The following ANKRD17 variants were observed in gnomAD, a reference collection of about 807,000 sequenced individuals.
The protein encoded by ANKRD17 is ankyrin repeat domain-containing protein 17.
Under a neutral mutation model 229.7 loss-of-function variants are expected in ANKRD17, and 19 were observed. That is an observed-to-expected ratio of 0.08 (90% CI 0.06 to 0.12). ANKRD17 has a LOEUF of 0.12. Among genes scored for constraint, ANKRD17 ranks in the 10% least tolerant of loss-of-function variants. The probability of loss-of-function intolerance (pLI) is 1.00; values close to 1 mark genes in which losing one functional copy is unlikely to be tolerated. For synonymous variants in ANKRD17, 1,112 were observed against 1,146.1 expected (o/e 0.97, Z 0.60); for missense variants, 2,176 against 3,176.8 (o/e 0.68, Z 7.57).
chr4:73,221,088 C>T (rs1326286825), intron 1 of ANKRD17, among the ~76,000 whole-genome samples: 1 of 152,000 alleles, frequency 6.6e-6, no homozygotes, highest in Non-Finnish European at 1.5e-5. Context: ...TTGGATAAGG[C>T]TCTTTTATTA....
intron 24 of ANKRD17, among the ~76,000 whole-genome samples, chr4:73,103,795 T>C (rs886517943): frequency 4.6e-5 from 7 of 151,556 alleles, no homozygotes; most frequent in Admixed American, 3.3e-4. Context: ...TGCTAGATAC[T>C]CTCTGTCCTG....
chr4:73,180,686 A>C (rs148371534), intron 1 of ANKRD17, among the ~76,000 whole-genome samples: 1 of 152,318 alleles, frequency 6.6e-6, no homozygotes, highest in East Asian at 1.9e-4. Flanking sequence ...GACAGAAAAG[A>C]ACAGGAATGA....
rs773760971 is a variant in ANKRD17 at position 73,085,284 on chromosome 4, A to C, written c.7124T>G (p.Leu2375Arg). ...TGATGAACACGGAGTCAACAAACTA[A>C]GCGGGGAAAAATGTTGTCTGTTAAA... ...ANFNRQHFSPLSLLTPCSSAS... is the reference protein window; with the variant it reads ...ANFNRQHFSPRSLLTPCSSAS... Residue 2375 changes from leucine (L) to arginine (R), a missense_variant, in exon 30 of 34, where the codon CTT becomes CGT. Physicochemically the swap from Leu to Arg is moderately radical, Grantham distance 102 (BLOSUM62 -2). Coordinates refer to ENST00000358602, the MANE Select transcript of ANKRD17 (RefSeq NM_032217.5). The C allele has an allele frequency of 1.2e-6, 2 of 1,614,160 alleles. No individual in the cohort carries two copies. The highest frequency in any genetic ancestry group is 2.2e-5 in the East Asian group (1 of 44,880).
intron 2 of ANKRD17, among the ~76,000 whole-genome samples, chr4:73,165,665 C>T (rs1029224496): frequency 6.6e-6 from 1 of 152,104 alleles, no homozygotes; most frequent in Non-Finnish European, 1.5e-5. Context: ...CTAAAGACAG[C>T]GAGGTTATCC....
intron 2 of ANKRD17, among the ~76,000 whole-genome samples, chr4:73,170,359 C>T (rs1049713112): frequency 6.6e-6 from 1 of 151,994 alleles, no homozygotes; most frequent in Non-Finnish European, 1.5e-5. Flanking sequence ...GAAAAGAACC[C>T]ACCCCTGGAA....
intron 16 of ANKRD17, among the ~76,000 whole-genome samples, chr4:73,126,494 A>T (rs1195991006): frequency 1.3e-5 from 2 of 152,158 alleles, no homozygotes; most frequent in African/African-American, 2.4e-5. Context: ...TTTCCAAGTA[A>T]CTTAGCTGTA....
intron 27 of ANKRD17, among the ~76,000 whole-genome samples, chr4:73,095,488 G>T (rs1274389388): frequency 2.0e-5 from 3 of 151,360 alleles, no homozygotes; most frequent in Non-Finnish European, 4.4e-5. Context: ...TGTAATCCCA[G>T]CTACTCGGGA....
At chr4:73,165,467 T>G (rs1275738153) in intron 2 of ANKRD17, among the ~76,000 whole-genome samples, 3 of 152,202 alleles carry the variant, frequency 2.0e-5, no homozygotes, top group Non-Finnish European at 4.4e-5. Context: ...CCATTCCCAC[T>G]GTCAGCTCCC....
chr4:73,255,285 G>A (rs1027076304), intron 1 of ANKRD17, among the ~76,000 whole-genome samples: 7 of 151,902 alleles, frequency 4.6e-5, no homozygotes, highest in African/African-American at 1.5e-4. Context: ...TCCTCTTTTG[G>A]CAGATACAGA....
chr4:73,078,892 TAG>T lies in ANKRD17; in HGVS notation c.7160-4_7160-3del. The T allele has an allele frequency of 6.2e-7, 1 of 1,608,086 alleles. No homozygotes were observed. Among genetic ancestry groups the T allele is most frequent in the Non-Finnish European group, 8.5e-7 (1 of 1,177,356 alleles). On this transcript the variant is annotated splice_polypyrimidine_tract_variant and splice_region_variant and intron_variant, in intron 30 of 33. Coordinates refer to ENST00000358602, the MANE Select transcript of ANKRD17 (RefSeq NM_032217.5). The stretch of plus-strand genomic sequence containing the variant: ...AGGATACTGACTGTGCAGAAGAATC[TAG>T]AGAAGAGATATTTTGAAATAAAATA...
At chr4:73,128,693 A>T (rs985464843) in intron 16 of ANKRD17, among the ~76,000 whole-genome samples, 3 of 152,316 alleles carry the variant, frequency 2.0e-5, no homozygotes. Flanking sequence ...GGAGACAAGC[A>T]TAATAATATA....
In ANKRD17 at chr4:73,121,661, G is replaced by A. The variant is rs1177791321; in HGVS notation, c.3591C>T (p.Asn1197=). 1 of 1,613,764 alleles carries A rather than the reference G, an allele frequency of 6.2e-7. No homozygotes were observed. The highest frequency in any genetic ancestry group is 1.1e-5 in the South Asian group (1 of 91,054). The change falls in exon 19 of 34, where the codon AAC becomes AAT. Residue 1197 remains asparagine, a synonymous_variant. Transcript: ENST00000358602. ...CTGCATTTAGTAATATTTTGATGAT[G>A]TTCACATAGCCACCAGAAGCAGCCA... The part of the protein sequence containing the change: ...LSLAASGGYV[N]IIKILLNAGA...
At chr4:73,230,263 C>G (rs1309458642) in intron 1 of ANKRD17, among the ~76,000 whole-genome samples, 1 of 151,730 alleles carries the variant, frequency 6.6e-6, no homozygotes, top group East Asian at 1.9e-4. Context: ...GTAGTATATT[C>G]TAAATATAAG....
intron 2 of ANKRD17, among the ~76,000 whole-genome samples, chr4:73,173,143 A>G (rs1295870852): frequency 6.6e-6 from 1 of 152,228 alleles, no homozygotes; most frequent in African/African-American, 2.4e-5. Context: ...TGGAAACCAA[A>G]AAAGCGCAAG....
At position 73,076,419 on chromosome 4, in the gene ANKRD17, T is replaced by C. The variant is rs181977259; in HGVS notation, c.7753-129A>G. On this transcript the variant is annotated intron_variant, in intron 33 of 33. Coordinates refer to ENST00000358602, the MANE Select transcript of ANKRD17 (RefSeq NM_032217.5). ...ACTAGGAACTAATGGAAAAAAATGA[T>C]AAAAACCTTTTTTCTATTATTTTCC... 9 of 572,202 alleles carry C rather than the reference T, an allele frequency of 1.6e-5. No individual in the cohort carries two copies. The East Asian group carries it at 3.2e-4, about 20-fold the overall frequency. 35.4% of individuals were successfully genotyped at this position (572,202 alleles called of 1,614,324 possible). A position where few individuals can be genotyped will look rare whatever the true frequency, so the allele number is the denominator to read the frequency against.
At chr4:73,223,971 G>C (rs1288091274) in intron 1 of ANKRD17, among the ~76,000 whole-genome samples, 3 of 152,138 alleles carry the variant, frequency 2.0e-5, no homozygotes, top group Non-Finnish European at 4.4e-5. Flanking sequence ...GGAACAATGG[G>C]CCGAGCGCAG....
chr4:73,221,425 C>G (rs868204216), intron 1 of ANKRD17, among the ~76,000 whole-genome samples: 1 of 152,030 alleles, frequency 6.6e-6, no homozygotes, highest in African/African-American at 2.4e-5. Context: ...AATAAGACTT[C>G]TAAAATCTGT....
intron 30 of ANKRD17, 134 bp downstream of exon 30, chr4:73,085,114 AT>A (rs540392834): frequency 2.1e-6 from 2 of 933,582 alleles, no homozygotes. Flanking sequence ...ATACCTAGAA[AT>A]TTTTTTGAAA....
intron 16 of ANKRD17, among the ~76,000 whole-genome samples, chr4:73,129,678 C>CT (rs963904783): frequency 7.3e-4 from 111 of 151,970 alleles, no homozygotes; most frequent in African/African-American, 2.4e-3. Context: ...GATGGTGCCA[C>CT]TGCACTCCAA....
Sources: allele counts gnomAD v4.1 joint callset (sites outside exome capture counted in the v4.1 genomes callset), GRCh38; gene constraint gnomAD v4.1.1; transcripts MANE v1.5; gene names NCBI Gene and HGNC (gene_info 2026-07-23, HGNC 2026-07-21).